CLIC5: variants seen among roughly 807,000 people sequenced by gnomAD.
The protein encoded by CLIC5 is CLIC family member 5.
CLIC5 carries 20 observed loss-of-function variants against 24.7 expected under a neutral mutation model. The ratio of observed to expected loss-of-function variants is 0.81; its 90% CI spans 0.57 to 1.18. The LOEUF (loss-of-function observed/expected upper bound fraction) is 1.18. Ranked by LOEUF, CLIC5 falls within the 50% of genes most tolerant of loss-of-function variation. CLIC5 has a pLI of 0.00. For missense variants in CLIC5, 341 were observed against 326.1 expected (o/e 1.05, Z -0.35); for synonymous variants, 159 against 135.6 (o/e 1.17, Z -1.20).
At chr6:45,958,688 G>A (rs1764749538) in intron 1 of CLIC5, among the ~76,000 whole-genome samples, 1 of 151,454 alleles carries the variant, frequency 6.6e-6, no homozygotes, top group African/African-American at 2.4e-5. Flanking sequence ...TCTGTTATAT[G>A]CTGGATACTT....
chr6:45,958,710 C>T (rs1764750181), intron 1 of CLIC5, among the ~76,000 whole-genome samples: 2 of 151,618 alleles, frequency 1.3e-5, no homozygotes, highest in African/African-American at 4.9e-5. Flanking sequence ...ATATTATATG[C>T]TATTATATAT....
At chr6:45,994,962 T>A (rs1161035420) in intron 1 of CLIC5, among the ~76,000 whole-genome samples, 2 of 152,208 alleles carry the variant, frequency 1.3e-5, no homozygotes, top group African/African-American at 4.8e-5. Context: ...AAATGTACAG[T>A]GAACAAGTAC....
chr6:46,068,300 A>G (rs963284470), intron 1 of CLIC5, among the ~76,000 whole-genome samples: 11 of 152,108 alleles, frequency 7.2e-5, no homozygotes, highest in African/African-American at 2.4e-4. Context: ...GTTTTCAGTA[A>G]TTTGTTACAG....
chr6:45,888,946 G>A (rs902218154), intron 6 of CLIC5, among the ~76,000 whole-genome samples: 2 of 152,120 alleles, frequency 1.3e-5, no homozygotes, highest in African/African-American at 4.8e-5. Flanking sequence ...TTTTGTAGTA[G>A]CAAAAATTTG....
the CLIC5 span, among the ~76,000 whole-genome samples, chr6:46,099,826 T>A: frequency 6.6e-6 from 1 of 152,024 alleles, no homozygotes; most frequent in African/African-American, 2.4e-5. Flanking sequence ...GAATGAAAAA[T>A]TATTAAAATG....
At chr6:46,004,104 C>G (rs1766456259) in intron 1 of CLIC5, among the ~76,000 whole-genome samples, 1 of 152,136 alleles carries the variant, frequency 6.6e-6, no homozygotes, top group Non-Finnish European at 1.5e-5. Flanking sequence ...CAGGTGGAAG[C>G]AGTTGAAGTT....
At chr6:46,091,558 C>A in the CLIC5 span, among the ~76,000 whole-genome samples, 3 of 152,094 alleles carry the variant, frequency 2.0e-5, no homozygotes, top group Non-Finnish European at 4.4e-5. Flanking sequence ...CAGGGAAAGA[C>A]CCCATCTCTG....
intron 1 of CLIC5, among the ~76,000 whole-genome samples, chr6:46,003,089 C>A (rs1766418686): frequency 6.6e-6 from 1 of 152,168 alleles, no homozygotes; most frequent in Non-Finnish European, 1.5e-5. Context: ...TCAGTCTGAC[C>A]TTCAGTTTCC....
chr6:46,069,134 A>C (rs1374193205), intron 1 of CLIC5, among the ~76,000 whole-genome samples: 1 of 152,162 alleles, frequency 6.6e-6, no homozygotes, highest in Non-Finnish European at 1.5e-5. Context: ...AGGGAAGTAC[A>C]GGCTAGTGAA....
chr6:46,101,772 A>G, the CLIC5 span, among the ~76,000 whole-genome samples: 1 of 152,200 alleles, frequency 6.6e-6, no homozygotes, highest in Non-Finnish European at 1.5e-5. Context: ...TAAACCAACA[A>G]CCTCATATGA....
In CLIC5 at chr6:45,902,854, C is replaced by T. The variant is rs1226439590; in HGVS notation, c.*234G>A. 9.4e-5 allele frequency: 50 copies of T among 530,744 alleles called. No individual in the cohort carries two copies. The highest frequency in any genetic ancestry group is 3.1e-4 in the East Asian group (9 of 29,114). 32.9% of individuals were successfully genotyped at this position (530,744 alleles called of 1,614,324 possible). On this transcript the variant is annotated 3_prime_UTR_variant, in exon 6 of 6. Transcript: ENST00000339561. ...CATGCTGAGCCCAGATCAGGCTGGC[C>T]GGCCGAAAGGTGGACTGTGTCTATC...
rs1400224684 is a variant in CLIC5 at position 45,983,426 on chromosome 6, G to A, written c.64-28182C>T. On this transcript the variant is annotated intron_variant, in intron 1 of 5. Coordinates refer to ENST00000339561, the MANE Select transcript of CLIC5 (RefSeq NM_016929.5). ...CAATATACAGCCCTCAGGACAGGAA[G>A]AGGAATGCTTGGCACAAGACACACC... 2.6e-5 allele frequency among the ~76,000 whole-genome samples: 4 copies of A among 152,232 alleles called. No homozygotes were observed. In the East Asian group the frequency reaches 7.7e-4, roughly 29 times the overall value.
the CLIC5 span, chr6:46,102,544 A>G: frequency 6.6e-6 from 1 of 152,304 alleles, no homozygotes; most frequent in South Asian, 2.1e-4. Context: ...ACTCACCTTG[A>G]GAGAAAGAAG....
intron 1 of CLIC5, among the ~76,000 whole-genome samples, chr6:46,032,290 G>A (rs1208182037): frequency 6.6e-6 from 1 of 152,154 alleles, no homozygotes; most frequent in Non-Finnish European, 1.5e-5. Flanking sequence ...GAACAAAAAA[G>A]GGGAAGTCCA....
intron 1 of CLIC5, among the ~76,000 whole-genome samples, chr6:45,972,680 T>C (rs895793204): frequency 2.0e-5 from 3 of 152,190 alleles, no homozygotes; most frequent in African/African-American, 7.2e-5. Flanking sequence ...AACCTGCATT[T>C]TCAGTAAGAC....
intron 1 of CLIC5, among the ~76,000 whole-genome samples, chr6:46,074,128 C>G (rs903479876): frequency 2.6e-5 from 4 of 152,010 alleles, no homozygotes; most frequent in South Asian, 2.1e-4. Context: ...AAAACATTTA[C>G]CCACAATATA....
At chr6:46,000,167 T>C (rs1478435961) in intron 1 of CLIC5, among the ~76,000 whole-genome samples, 2 of 152,342 alleles carry the variant, frequency 1.3e-5, no homozygotes, top group Admixed American at 1.3e-4. Flanking sequence ...TCAGTAAGGC[T>C]TCCCATCAGT....
chr6:46,125,019 C>T, the CLIC5 span, among the ~76,000 whole-genome samples: 2 of 152,152 alleles, frequency 1.3e-5, no homozygotes, highest in South Asian at 2.1e-4. Context: ...GACAGTGTGG[C>T]GATTCCTCAG....
intron 1 of CLIC5, among the ~76,000 whole-genome samples, chr6:45,974,497 G>GTATATA (rs1554154071): frequency 1.3e-3 from 97 of 76,088 alleles, no homozygotes; most frequent in Middle Eastern, 8.3e-3. Flanking sequence ...GTGTGTGTGT[G>GTATATA]TATATATATA....
Sources: allele counts gnomAD v4.1 joint callset (sites outside exome capture counted in the v4.1 genomes callset), GRCh38; gene constraint gnomAD v4.1.1; transcripts MANE v1.5; gene names NCBI Gene and HGNC (gene_info 2026-07-23, HGNC 2026-07-21).